The following PCDH15 variants were observed in gnomAD, a reference collection of about 807,000 sequenced individuals.
PCDH15 encodes protocadherin related 15, also known as protocadherin-15.
Under a neutral mutation model 178.5 loss-of-function variants are expected in PCDH15, and 129 were observed. The observed-to-expected ratio is 0.72, with a 90% confidence interval of 0.63 to 0.84. The LOEUF (loss-of-function observed/expected upper bound fraction) is 0.84. Ranked by LOEUF, PCDH15 falls within the 40% of genes least tolerant of loss-of-function variation. The pLI is 0.00. For synonymous variants in PCDH15, 800 were observed against 732.0 expected, an observed-to-expected ratio of 1.09 and a Z score of -1.50; for missense variants, 2,230 against 2,099.9, an observed-to-expected ratio of 1.06 and a Z score of -1.21.
intron 10 of PCDH15, among the ~76,000 whole-genome samples, chr10:54,197,577 C>CTAGA (rs1833737234): frequency 6.6e-6 from 1 of 151,964 alleles, no homozygotes; most frequent in Admixed American, 6.6e-5. Flanking sequence ...GTGTGATTTT[C>CTAGA]TAGATAGATA....
At chr10:55,368,837 TA>T (rs1312247790) in intron 2 of PCDH15, among the ~76,000 whole-genome samples, 4 of 152,042 alleles carry the variant, frequency 2.6e-5, no homozygotes, top group Non-Finnish European at 5.9e-5. Flanking sequence ...GTGTATTTTT[TA>T]TATGTAAGCA....
At chr10:54,857,385 A>T (rs1953758912) in intron 3 of PCDH15, among the ~76,000 whole-genome samples, 1 of 152,212 alleles carries the variant, frequency 6.6e-6, no homozygotes, top group African/African-American at 2.4e-5. Context: ...AATAAAATAT[A>T]AAATACTTAA....
chr10:55,369,010 CAAAAA>C (rs60906060), intron 2 of PCDH15, among the ~76,000 whole-genome samples: 2 of 86,178 alleles, frequency 2.3e-5, no homozygotes, highest in East Asian at 3.8e-4. Context: ...TTTTTGGGAC[CAAAAA>C]AAAAAAAAAA....
At chr10:53,970,879 A>C (rs1446724141) in intron 21 of PCDH15, among the ~76,000 whole-genome samples, 1 of 152,204 alleles carries the variant, frequency 6.6e-6, no homozygotes, top group Non-Finnish European at 1.5e-5. Flanking sequence ...ATCTGGTACT[A>C]TTCCTTCTGA....
At chr10:55,391,066 T>C (rs1837781195) in intron 2 of PCDH15, among the ~76,000 whole-genome samples, 1 of 152,186 alleles carries the variant, frequency 6.6e-6, no homozygotes, top group South Asian at 2.1e-4. Context: ...TTCTCCTCTC[T>C]AGCTATGAAA....
Position 54,853,364 on chromosome 10 carries a change from CACAT to C in PCDH15, c.-29+44082_-29+44085del, listed in dbSNP as rs1189835411. On this transcript the variant is annotated intron_variant, in intron 3 of 5. Transcript: ENST00000458638. ...ATATATACATATATATATACACACA[CACAT>C]ATATATATACACATACATACATATA... Among the ~76,000 whole-genome samples the C allele has an allele frequency of 4.2e-5, 5 of 119,790 alleles. No individual in the cohort carries two copies. In the South Asian group the frequency reaches 8.5e-4, roughly 20 times the overall value. 78.6% of individuals were successfully genotyped at this position (119,790 alleles called of 152,430 possible). A position where few individuals can be genotyped will look rare whatever the true frequency, so the allele number is the denominator to read the frequency against.
chr10:54,401,149 T>C (rs1951885174), intron 3 of PCDH15, among the ~76,000 whole-genome samples: 1 of 151,988 alleles, frequency 6.6e-6, no homozygotes, highest in Non-Finnish European at 1.5e-5. Flanking sequence ...CTCTTGTAGA[T>C]TCCTTTCACC....
rs756383551 is a variant in PCDH15, at chr10:54,462,496, T to TTTTCTTTTC, written c.157+65315_157+65316insGAAAAGAAA. On this transcript the variant is annotated intron_variant, in intron 3 of 37. Coordinates refer to ENST00000644397, the MANE Select transcript of PCDH15 (RefSeq NM_001384140.1). ...TCTTTCTTTCTTTTCTTTTCTTTTC[T>TTTTCTTTTC]TTTTCTTTTTCTTTTCTTTTTTTTT... 6.1e-3 allele frequency among the ~76,000 whole-genome samples: 516 copies of TTTTCTTTTC among 84,766 alleles called. 1 individual carries two copies. The highest frequency in any genetic ancestry group is 0.02 in the African/African-American group (475 of 24,120). 55.6% of individuals were successfully genotyped at this position (84,766 alleles called of 152,430 possible). A position where few individuals can be genotyped will look rare whatever the true frequency, so the allele number is the denominator to read the frequency against.
At chr10:55,295,656 T>C (rs1015198832) in intron 1 of PCDH15, among the ~76,000 whole-genome samples, 1 of 152,204 alleles carries the variant, frequency 6.6e-6, no homozygotes, top group African/African-American at 2.4e-5. Flanking sequence ...ACTCCTTCTT[T>C]TAACTTATCT....
At chr10:54,992,131 C>T (rs1839517476) in intron 2 of PCDH15, among the ~76,000 whole-genome samples, 1 of 151,684 alleles carries the variant, frequency 6.6e-6, no homozygotes, top group African/African-American at 2.4e-5. Flanking sequence ...TAATATAAAC[C>T]TCTTGAAGGA....
intron 3 of PCDH15, among the ~76,000 whole-genome samples, chr10:54,853,396 TAC>T (rs35906926): frequency 2.7e-5 from 2 of 74,810 alleles, no homozygotes; most frequent in African/African-American, 1.2e-4. Flanking sequence ...TACATATATA[TAC>T]ACACACATAT....
chr10:55,583,636 G>T (rs1842667320), intron 2 of PCDH15, among the ~76,000 whole-genome samples: 1 of 152,036 alleles, frequency 6.6e-6, no homozygotes, highest in Non-Finnish European at 1.5e-5. Flanking sequence ...GTTTTGCCAT[G>T]TTGCCCAGGC....
intron 2 of PCDH15, among the ~76,000 whole-genome samples, chr10:55,473,290 A>G (rs189750042): frequency 6.6e-6 from 1 of 152,262 alleles, no homozygotes; most frequent in East Asian, 1.9e-4. Flanking sequence ...CTCTTGAAGA[A>G]TAAATGCAAA....
At chr10:53,963,713 A>T (rs1009926466) in intron 21 of PCDH15, among the ~76,000 whole-genome samples, 9 of 152,108 alleles carry the variant, frequency 5.9e-5, no homozygotes, top group Admixed American at 1.3e-4. Context: ...AAGGTGTTCT[A>T]TCTGAAAGCC....
intron 3 of PCDH15, among the ~76,000 whole-genome samples, chr10:54,510,252 CA>C (rs1393525033): frequency 6.6e-6 from 1 of 152,150 alleles, no homozygotes; most frequent in African/African-American, 2.4e-5. Context: ...GAACTTTGAG[CA>C]GCATATTTGG....
At chr10:54,677,174 C>T (rs778065302) in intron 1 of PCDH15, among the ~76,000 whole-genome samples, 1 of 152,008 alleles carries the variant, frequency 6.6e-6, no homozygotes, top group Non-Finnish European at 1.5e-5. Context: ...GAGTTCAAAG[C>T]CAGCCTGGGC....
At chr10:55,600,072 T>C (rs1843038809) in intron 2 of PCDH15, 1 of 810,622 alleles carries the variant, frequency 1.2e-6, no homozygotes, top group African/African-American at 1.8e-5. Context: ...ATTAAAAATT[T>C]TGGTTGGGGT....
chr10:54,445,189 A>AT (rs1000593351), intron 3 of PCDH15, among the ~76,000 whole-genome samples: 2 of 150,696 alleles, frequency 1.3e-5, no homozygotes, highest in East Asian at 2.0e-4. Flanking sequence ...TTTTGCTTTT[A>AT]TTTTTTTCTC....
intron 2 of PCDH15, among the ~76,000 whole-genome samples, chr10:54,621,415 A>T (rs1203354161): frequency 6.6e-6 from 1 of 152,018 alleles, no homozygotes; most frequent in Non-Finnish European, 1.5e-5. Context: ...AAAAGATGAA[A>T]TATGCAAACA....
Sources: allele counts gnomAD v4.1 joint callset (sites outside exome capture counted in the v4.1 genomes callset), GRCh38; gene constraint gnomAD v4.1.1; transcripts MANE v1.5; gene names NCBI Gene and HGNC (gene_info 2026-07-23, HGNC 2026-07-21).